The following SCUBE2 variants were observed in gnomAD, a reference collection of about 807,000 sequenced individuals.
SCUBE2 encodes signal peptide, CUB and EGF-like domain-containing protein 2.
SCUBE2 carries 114 observed loss-of-function variants against 125.9 expected under a neutral mutation model. The observed-to-expected ratio is 0.91, with a 90% CI of 0.78 to 1.06. SCUBE2 has a LOEUF of 1.06. Among genes scored for constraint, SCUBE2 ranks in the 50% least tolerant of loss-of-function variants. The pLI is 0.00. For missense variants in SCUBE2, 1,255 were observed against 1,301.8 expected, an observed-to-expected ratio of 0.96 and a Z score of 0.55; for synonymous variants, 459 against 492.9, an observed-to-expected ratio of 0.93 and a Z score of 0.91.
intron 3 of SCUBE2, among the ~76,000 whole-genome samples, chr11:9,077,638 G>A (rs1231878965): frequency 6.6e-6 from 1 of 152,184 alleles, no homozygotes; most frequent in East Asian, 1.9e-4. Context: ...AAATCTGAAT[G>A]TTGGGGAAGT....
intron 13 of SCUBE2, among the ~76,000 whole-genome samples, chr11:9,051,237 C>CTAT (rs1858374308): frequency 1.7e-4 from 25 of 150,388 alleles, no homozygotes; most frequent in African/African-American, 5.7e-4. Flanking sequence ...TACCTACCTA[C>CTAT]CTATCTATCT....
chr11:9,030,434 T>G, intron 18 of SCUBE2: 1 of 402,214 alleles, frequency 2.5e-6, no homozygotes. Context: ...GGAGAAGGGG[T>G]ATTGGGGGGA....
At chr11:9,061,419 C>A (rs1859672846) in intron 7 of SCUBE2, among the ~76,000 whole-genome samples, 2 of 151,970 alleles carry the variant, frequency 1.3e-5, no homozygotes, top group Non-Finnish European at 1.5e-5. Flanking sequence ...ATTAGCGAGG[C>A]CTGGTGACGC....
At chr11:9,065,323 T>C (rs749245696) in intron 7 of SCUBE2, among the ~76,000 whole-genome samples, 55 of 152,136 alleles carry the variant, frequency 3.6e-4, no homozygotes, top group Middle Eastern at 3.4e-3. Context: ...CATGATAGAG[T>C]GAGATCATGA....
In SCUBE2 at chr11:9,021,974, T is replaced by C. The variant is rs1017026339; in HGVS notation, c.2855-19A>G. 2 of 1,581,384 alleles carry C rather than the reference T, an allele frequency of 1.3e-6. No homozygotes were observed. The highest frequency in any genetic ancestry group is 3.3e-5 in the Admixed American group (2 of 59,948). On this transcript the variant is annotated intron_variant, in intron 21 of 22. Coordinates refer to ENST00000649792, the MANE Select transcript of SCUBE2 (RefSeq NM_001367977.2). ...TAGTCCTCTGTTGGAATAAAGAACA[T>C]GTTTTGCATTCTTATGATTTAGTTG...
chr11:9,026,150 C>T (rs1396169194), intron 20 of SCUBE2: 1 of 242,096 alleles, frequency 4.1e-6, no homozygotes, highest in Non-Finnish European at 7.9e-6. Context: ...CAGAACTGAC[C>T]TGCTGTCATC....
chr11:9,042,339 C>T (rs1857329857), intron 16 of SCUBE2, among the ~76,000 whole-genome samples: 1 of 152,066 alleles, frequency 6.6e-6, no homozygotes, highest in Non-Finnish European at 1.5e-5. Context: ...AGATCCTCAC[C>T]GTCTCTTATT....
At chr11:9,051,221 T>TAC (rs1566200579) in intron 13 of SCUBE2, among the ~76,000 whole-genome samples, 25 of 91,706 alleles carry the variant, frequency 2.7e-4, no homozygotes, top group Middle Eastern at 5.7e-3. Context: ...TATCTATCTA[T>TAC]CTATCTACCT....
intron 20 of SCUBE2, 166 bp downstream of exon 20, chr11:9,027,198 G>T: frequency 1.5e-6 from 1 of 657,662 alleles, no homozygotes; most frequent in Non-Finnish European, 2.6e-6. Flanking sequence ...TCAGTGTGTG[G>T]CTTTCATTTA....
chr11:9,037,873 C>T (rs1856867796), intron 16 of SCUBE2, among the ~76,000 whole-genome samples: 1 of 152,202 alleles, frequency 6.6e-6, no homozygotes, highest in African/African-American at 2.4e-5. Context: ...CAAATGCACA[C>T]TATGTTCTTT....
At chr11:9,046,087 G>GC in intron 16 of SCUBE2, among the ~76,000 whole-genome samples, 2 of 144,814 alleles carry the variant, frequency 1.4e-5, no homozygotes, top group South Asian at 4.5e-4. Context: ...GCTCACTGCA[G>GC]CCTCCAACTC....
At chr11:9,021,979 T>C in intron 21 of SCUBE2, 24 bp from the exon 22 acceptor site, 1 of 1,560,658 alleles carries the variant, frequency 6.4e-7, no homozygotes, top group Non-Finnish European at 8.8e-7. Flanking sequence ...GAACATGTTT[T>C]GCATTCTTAT....
chr11:9,044,978 T>G (rs1857565356), intron 16 of SCUBE2, among the ~76,000 whole-genome samples: 1 of 152,170 alleles, frequency 6.6e-6, no homozygotes, highest in African/African-American at 2.4e-5. Flanking sequence ...TCCATTCCAC[T>G]TCCCTGCAGC....
At position 9,021,016 on chromosome 11, in the gene SCUBE2, C is replaced by T. The variant is rs1855249227; in HGVS notation, c.*29G>A. ...CTGTCCCACCAACCCTATAGCAGAACATTTGTATTGAGTGGCACGTGGGCT... is the reference window on the plus strand; with the variant it reads ...CTGTCCCACCAACCCTATAGCAGAATATTTGTATTGAGTGGCACGTGGGCT... On this transcript the variant is annotated 3_prime_UTR_variant, in exon 23 of 23. Coordinates refer to ENST00000649792, the MANE Select transcript of SCUBE2 (RefSeq NM_001367977.2). The T allele has an allele frequency of 6.2e-7, 1 of 1,602,852 alleles. No homozygotes were observed. Among genetic ancestry groups the T allele is most frequent in the Non-Finnish European group, 8.5e-7 (1 of 1,173,920 alleles).
chr11:9,082,679 A>G (rs757401802), intron 2 of SCUBE2, among the ~76,000 whole-genome samples: 2 of 152,262 alleles, frequency 1.3e-5, no homozygotes, highest in African/African-American at 2.4e-5. Context: ...TACCACATGG[A>G]CAAACCTCAA....
At chr11:9,047,650 C>A in intron 15 of SCUBE2, 88 bp from the exon 16 acceptor site, 3 of 1,318,526 alleles carry the variant, frequency 2.3e-6, no homozygotes, top group Non-Finnish European at 3.2e-6. Context: ...CCTACCAACA[C>A]CCCGAGCTCC....
In SCUBE2 at chr11:9,060,520, C is replaced by T. The variant is rs553227629; in HGVS notation, c.855G>A (p.Thr285=). The change falls in exon 8 of 23, where the codon ACG becomes ACA. Residue 285 remains threonine (T), a synonymous_variant. Transcript: ENST00000649792. ...CACAGCCTCCATTGTTGACAGCACACGTTTCTGGCAAGGAGGTAAGAAAAG... is the reference window on the plus strand; with the variant it reads ...CACAGCCTCCATTGTTGACAGCACATGTTTCTGGCAAGGAGGTAAGAAAAG... ...KRVKRRLLME[T]CAVNNGGCDR... 2.3e-5 allele frequency: 37 copies of T among 1,612,806 alleles called. No homozygotes were observed. Among genetic ancestry groups the T allele is most frequent in the South Asian group, 1.1e-4 (10 of 91,034 alleles).
At chr11:9,053,274 G>T in intron 11 of SCUBE2, 59 bp from the exon 12 acceptor site, 3 of 1,424,526 alleles carry the variant, frequency 2.1e-6, no homozygotes, top group Non-Finnish European at 3.0e-6. Flanking sequence ...GTGTGACAAG[G>T]ATGGTTGAGT....
intron 2 of SCUBE2, among the ~76,000 whole-genome samples, chr11:9,088,048 T>C (rs142703005): frequency 7.1e-4 from 108 of 152,372 alleles, no homozygotes; most frequent in African/African-American, 2.4e-3. Context: ...GTCTACCATG[T>C]ACCAGGCACT....
Sources: allele counts gnomAD v4.1 joint callset (sites outside exome capture counted in the v4.1 genomes callset), GRCh38; gene constraint gnomAD v4.1.1; transcripts MANE v1.5; gene names NCBI Gene and HGNC (gene_info 2026-07-23, HGNC 2026-07-21).